Variants in AGBL4 observed in about 807,000 individuals in gnomAD.
AGBL4 encodes the protein cytosolic carboxypeptidase 6.
Under a neutral mutation model 66.4 loss-of-function variants are expected in AGBL4, and 58 were observed. The observed-to-expected ratio is 0.87, with a 90% CI of 0.71 to 1.09. The LOEUF (loss-of-function observed/expected upper bound fraction) is 1.09. Among genes scored for constraint, AGBL4 ranks in the 50% least tolerant of loss-of-function variants. The pLI, the probability that AGBL4 is intolerant of heterozygous loss-of-function variation, is 0.00. For synonymous variants in AGBL4, 234 were observed against 222.9 expected, an observed-to-expected ratio of 1.05 and a Z score of -0.44; for missense variants, 579 against 631.0, an observed-to-expected ratio of 0.92 and a Z score of 0.88.
intron 3 of AGBL4, among the ~76,000 whole-genome samples, chr1:49,513,066 A>C (rs969182758): frequency 1.3e-5 from 2 of 152,024 alleles, no homozygotes; most frequent in Non-Finnish European, 2.9e-5. Context: ...TAAATGACTA[A>C]TGTCAGACAA....
chr1:48,559,588 T>C (rs765889799), intron 11 of AGBL4, among the ~76,000 whole-genome samples: 1 of 152,218 alleles, frequency 6.6e-6, no homozygotes, highest in African/African-American at 2.4e-5. Context: ...GAGTACTGTA[T>C]GTAAAGCACT....
At chr1:48,941,183 G>A (rs1371990062) in intron 5 of AGBL4, among the ~76,000 whole-genome samples, 2 of 152,182 alleles carry the variant, frequency 1.3e-5, no homozygotes, top group Non-Finnish European at 2.9e-5. Context: ...AGATACTCTG[G>A]CAGCCTGAGC....
At chr1:49,602,975 A>G (rs963341901) in intron 3 of AGBL4, among the ~76,000 whole-genome samples, 10 of 152,158 alleles carry the variant, frequency 6.6e-5, no homozygotes, top group African/African-American at 2.2e-4. Context: ...AATTCATACA[A>G]CAACCCTTTA....
intron 4 of AGBL4, among the ~76,000 whole-genome samples, chr1:49,115,558 T>C (rs1645501353): frequency 6.6e-6 from 1 of 152,118 alleles, no homozygotes; most frequent in South Asian, 2.1e-4. Context: ...AATAAATATA[T>C]ACGTGTACAT....
chr1:49,991,203 T>C lies in AGBL4; in HGVS notation c.34+32560A>G, dbSNP rs75476462. Among the ~76,000 whole-genome samples, 487 of 152,292 alleles carry C rather than the reference T, an allele frequency of 3.2e-3. 29 individuals carry two copies. In the East Asian group the frequency reaches 0.079, roughly 25 times the overall value. On this transcript the variant is annotated intron_variant, in intron 1 of 13. Transcript: ENST00000371839. ...TTCATTTATGAGACAGAACATTATG[T>C]TGCATATTAAAATCATCAATTATTA...
At chr1:49,537,403 C>A (rs1328723577) in intron 3 of AGBL4, among the ~76,000 whole-genome samples, 2 of 152,136 alleles carry the variant, frequency 1.3e-5, no homozygotes, top group Non-Finnish European at 2.9e-5. Context: ...TCACAGGGGA[C>A]TAATATCCAG....
At chr1:49,518,042 C>T (rs1351635883) in intron 3 of AGBL4, among the ~76,000 whole-genome samples, 2 of 152,064 alleles carry the variant, frequency 1.3e-5, no homozygotes, top group African/African-American at 4.8e-5. Context: ...CACATGCAGT[C>T]CATAGACTGA....
intron 5 of AGBL4, among the ~76,000 whole-genome samples, chr1:49,011,046 A>C (rs1027536893): frequency 2.0e-5 from 3 of 151,938 alleles, no homozygotes; most frequent in South Asian, 2.1e-4. Flanking sequence ...TAATTAAACT[A>C]AAGAGCTTCT....
At chr1:49,790,956 T>C (rs1458004556) in intron 2 of AGBL4, among the ~76,000 whole-genome samples, 1 of 152,160 alleles carries the variant, frequency 6.6e-6, no homozygotes, top group Non-Finnish European at 1.5e-5. Flanking sequence ...AGCTTTATAA[T>C]GTACAAAATA....
intron 3 of AGBL4, among the ~76,000 whole-genome samples, chr1:49,561,813 A>C (rs377546344): frequency 6.6e-6 from 1 of 151,994 alleles, no homozygotes; most frequent in Admixed American, 6.6e-5. Flanking sequence ...AATCCTTTGG[A>C]TATATACCCA....
At chr1:50,014,261 C>T (rs1177415422) in intron 1 of AGBL4, among the ~76,000 whole-genome samples, 1 of 151,640 alleles carries the variant, frequency 6.6e-6, no homozygotes, top group Non-Finnish European at 1.5e-5. Context: ...GTCCCAGCTA[C>T]TTGGGAGGCT....
At chr1:49,340,216 GA>G (rs35729306) in intron 3 of AGBL4, among the ~76,000 whole-genome samples, 84,831 of 127,954 alleles carry the variant, frequency 0.66, 26,960 homozygotes, top group Middle Eastern at 0.73. Context: ...ATTCTCTATG[GA>G]AAAAAAAAAA....
At chr1:49,607,780 T>C (rs1488172262) in intron 3 of AGBL4, among the ~76,000 whole-genome samples, 3 of 152,128 alleles carry the variant, frequency 2.0e-5, no homozygotes, top group Non-Finnish European at 4.4e-5. Flanking sequence ...TCAGATCTTA[T>C]TTAGTTTGAC....
chr1:48,839,001 C>G (rs780714088), intron 6 of AGBL4, among the ~76,000 whole-genome samples: 17 of 151,982 alleles, frequency 1.1e-4, no homozygotes, highest in Non-Finnish European at 2.4e-4. Flanking sequence ...GTTAAACTGG[C>G]TATTATCAAA....
intron 2 of AGBL4, among the ~76,000 whole-genome samples, chr1:49,849,245 A>G (rs1237898023): frequency 6.6e-6 from 1 of 152,034 alleles, no homozygotes; most frequent in Non-Finnish European, 1.5e-5. Context: ...TGTTAACATG[A>G]GGGCATTGAT....
At chr1:48,702,611 T>C (rs1156949106) in intron 6 of AGBL4, among the ~76,000 whole-genome samples, 1 of 152,102 alleles carries the variant, frequency 6.6e-6, no homozygotes, top group Non-Finnish European at 1.5e-5. Flanking sequence ...TTTTTTAACA[T>C]TCACTCAGAA....
intron 6 of AGBL4, among the ~76,000 whole-genome samples, chr1:48,702,283 T>TTTTTG (rs1485385434): frequency 6.6e-6 from 1 of 151,960 alleles, no homozygotes; most frequent in Non-Finnish European, 1.5e-5. Flanking sequence ...TCTTTGTTTT[T>TTTTTG]TTTTGTTTTG....
intron 1 of AGBL4, among the ~76,000 whole-genome samples, chr1:49,855,918 A>G (rs1288561742): frequency 3.9e-5 from 6 of 152,110 alleles, no homozygotes; most frequent in Non-Finnish European, 7.4e-5. Flanking sequence ...ACTAAGCAAA[A>G]TAGAATCTAA....
At chr1:48,999,642 T>C (rs1017895899) in intron 5 of AGBL4, among the ~76,000 whole-genome samples, 2 of 152,114 alleles carry the variant, frequency 1.3e-5, no homozygotes, top group Admixed American at 1.3e-4. Context: ...TCCAATCTTT[T>C]CCTTGCTTGA....
Sources: gnomAD v4.1 joint callset for allele counts (sites outside exome capture counted in the v4.1 genomes callset) on GRCh38, gnomAD v4.1.1 for gene constraint, MANE v1.5 for transcripts, NCBI Gene and HGNC (gene_info 2026-07-23, HGNC 2026-07-21) for gene names.